The following GABRA5 variants were observed in gnomAD, a reference collection of about 807,000 sequenced individuals.
GABRA5 encodes gamma-aminobutyric acid receptor subunit alpha-5.
GABRA5 carries 18 observed loss-of-function variants against 47.3 expected under a neutral mutation model. That is an observed-to-expected ratio of 0.38 (90% CI 0.26 to 0.56). The LOEUF (loss-of-function observed/expected upper bound fraction) is 0.56, where lower values mean the gene tolerates loss of function less well. Ranked by LOEUF, GABRA5 falls within the 20% of genes least tolerant of loss-of-function variation. The pLI is 0.71. For missense variants in GABRA5, 365 were observed against 599.3 expected, an observed-to-expected ratio of 0.61 and a Z score of 4.08; for synonymous variants, 237 against 229.3, an observed-to-expected ratio of 1.03 and a Z score of -0.30.
chr15:26,871,154 A>C (rs1008083139), intron 3 of GABRA5, among the ~76,000 whole-genome samples: 2 of 152,240 alleles, frequency 1.3e-5, no homozygotes, highest in Non-Finnish European at 2.9e-5. Context: ...AGATCATGCC[A>C]CTGCACTCCA....
chr15:26,945,272 C>T lies in GABRA5; in HGVS notation c.1089+1846C>T, dbSNP rs568403948. On this transcript the variant is annotated intron_variant, in intron 10 of 10. Coordinates refer to ENST00000335625, the MANE Select transcript of GABRA5 (RefSeq NM_000810.4). ...CACACCCCGCGGTCAGACACTGGCG[C>T]GAGCGTGAATACCACAGCCTGGTGT... 4.6e-5 allele frequency among the ~76,000 whole-genome samples: 7 copies of T among 152,286 alleles called. No individual in the cohort carries two copies. The East Asian group carries it at 5.8e-4, about 13-fold the overall frequency.
intron 7 of GABRA5, among the ~76,000 whole-genome samples, chr15:26,933,485 CT>C (rs1456911345): frequency 6.6e-6 from 1 of 152,224 alleles, no homozygotes; most frequent in African/African-American, 2.4e-5. Context: ...TTGCTTCTCA[CT>C]GCTGTCTGCA....
At chr15:26,906,223 A>G (rs1176478841) in intron 6 of GABRA5, among the ~76,000 whole-genome samples, 1 of 152,028 alleles carries the variant, frequency 6.6e-6, no homozygotes, top group Non-Finnish European at 1.5e-5. Context: ...TTTGTTCTAC[A>G]GGGCCACTCT....
chr15:26,880,718 G>T (rs1892708446), intron 3 of GABRA5, 128 bp from the exon 4 acceptor site: 1 of 875,748 alleles, frequency 1.1e-6, no homozygotes, highest in Non-Finnish European at 1.7e-6. Context: ...AGGCACTATG[G>T]GAGCTGTGTT....
intron 6 of GABRA5, among the ~76,000 whole-genome samples, chr15:26,885,994 G>A (rs897280289): frequency 2.7e-5 from 4 of 150,548 alleles, no homozygotes; most frequent in Non-Finnish European, 5.9e-5. Context: ...CCTGAAAGGT[G>A]TACCATATAT....
At chr15:26,892,464 A>G (rs922110136) in intron 6 of GABRA5, among the ~76,000 whole-genome samples, 1 of 152,206 alleles carries the variant, frequency 6.6e-6, no homozygotes, top group African/African-American at 2.4e-5. Context: ...CCGCGCGCAC[A>G]TGACCTGCGA....
At chr15:26,914,436 G>A (rs969696890) in intron 6 of GABRA5, among the ~76,000 whole-genome samples, 13 of 152,178 alleles carry the variant, frequency 8.5e-5, no homozygotes, top group African/African-American at 2.9e-4. Flanking sequence ...GAGCTTATAA[G>A]CAATTTTAGA....
intron 7 of GABRA5, among the ~76,000 whole-genome samples, chr15:26,930,895 C>CTTTTTTTTTTTTTTTTTTTTT (rs555799476): frequency 8.7e-6 from 1 of 115,036 alleles, no homozygotes; most frequent in African/African-American, 3.4e-5. Flanking sequence ...TCTTTCTTTT[C>CTTTTTTTTTTTTTTTTTTTTT]TTTTTTTTTT....
At chr15:26,903,876 A>G (rs560950574) in intron 6 of GABRA5, among the ~76,000 whole-genome samples, 1 of 152,118 alleles carries the variant, frequency 6.6e-6, no homozygotes, top group South Asian at 2.1e-4. Context: ...TCAGATGCAT[A>G]TTAGACTTTT....
intron 9 of GABRA5, among the ~76,000 whole-genome samples, 199 bp downstream of exon 9, chr15:26,940,276 A>T (rs1894353763): frequency 6.6e-6 from 1 of 152,244 alleles, no homozygotes; most frequent in African/African-American, 2.4e-5. Flanking sequence ...GGGTTTAAGG[A>T]ATATCACATG....
intron 7 of GABRA5, among the ~76,000 whole-genome samples, chr15:26,920,770 C>G (rs1016413751): frequency 6.6e-6 from 1 of 152,138 alleles, no homozygotes; most frequent in African/African-American, 2.4e-5. Flanking sequence ...GGGGACCTCT[C>G]CAACCTTGGT....
intron 6 of GABRA5, among the ~76,000 whole-genome samples, chr15:26,895,992 C>G (rs933330989): frequency 6.6e-6 from 1 of 152,056 alleles, no homozygotes; most frequent in Non-Finnish European, 1.5e-5. Flanking sequence ...TCCGGATCCC[C>G]TTCCACCCTT....
In GABRA5 at chr15:26,867,521, G is replaced by A. The variant is rs1372340711; in HGVS notation, c.-140+410G>A. The A allele has an allele frequency of 6.6e-6, 1 of 152,502 alleles. No individual in the cohort carries two copies. Among genetic ancestry groups the A allele is most frequent in the Non-Finnish European group, 1.5e-5 (1 of 68,428 alleles). The allele number at this position is 152,502 out of a possible 1,614,324, so 9.4% of individuals were successfully genotyped here. A position where few individuals can be genotyped will look rare whatever the true frequency, so the allele number is the denominator to read the frequency against. On this transcript the variant is annotated intron_variant, in intron 1 of 10. Coordinates refer to ENST00000335625, the MANE Select transcript of GABRA5 (RefSeq NM_000810.4). This position sits in a 1 kb window ranked among gnomAD's most constrained non-coding sequence, Gnocchi z 5.9. Reference sequence around the variant, plus strand: ...CAGGCTGCGTGGCCGGGGAGGAGAGGTGCAGAGCAGGCGGGGCGCGCAGCC... The same window carrying A: ...CAGGCTGCGTGGCCGGGGAGGAGAGATGCAGAGCAGGCGGGGCGCGCAGCC...
intron 3 of GABRA5, among the ~76,000 whole-genome samples, chr15:26,876,257 G>A (rs751630688): frequency 1.5e-4 from 23 of 152,324 alleles, no homozygotes; most frequent in Middle Eastern, 3.4e-3. Flanking sequence ...CTGGAGGACA[G>A]AGAGGGATTG....
intron 7 of GABRA5, among the ~76,000 whole-genome samples, chr15:26,931,259 C>A (rs1157945728): frequency 2.0e-5 from 3 of 152,116 alleles, no homozygotes; most frequent in Non-Finnish European, 4.4e-5. Context: ...TTGGGTAGCT[C>A]ATACATAACA....
intron 6 of GABRA5, among the ~76,000 whole-genome samples, chr15:26,888,269 A>T (rs75857423): frequency 0.023 from 3,511 of 152,326 alleles, 133 homozygotes; most frequent in African/African-American, 0.079. Context: ...AGAGAGCAGC[A>T]AACATCTCCT....
chr15:26,927,736 T>A (rs2140305857), intron 7 of GABRA5, among the ~76,000 whole-genome samples: 1 of 152,360 alleles, frequency 6.6e-6, no homozygotes, highest in South Asian at 2.1e-4. Flanking sequence ...CATCTGAGCA[T>A]GCAGAGGCTA....
At chr15:26,929,855 A>T (rs1288307897) in intron 7 of GABRA5, among the ~76,000 whole-genome samples, 1 of 152,164 alleles carries the variant, frequency 6.6e-6, no homozygotes, top group Non-Finnish European at 1.5e-5. Context: ...GGGGTGGCTG[A>T]CTAATGAATG....
At chr15:26,895,735 C>G (rs35515414) in intron 6 of GABRA5, among the ~76,000 whole-genome samples, 40,202 of 149,680 alleles carry the variant, frequency 0.27, 5,455 homozygotes, top group Middle Eastern at 0.31. Context: ...ATCGCTTGAA[C>G]CCGGGAGGCG....
Sources: allele counts gnomAD v4.1 joint callset (sites outside exome capture counted in the v4.1 genomes callset), GRCh38; gene constraint gnomAD v4.1.1; non-coding constraint Gnocchi (gnomAD v3.1); transcripts MANE v1.5; gene names NCBI Gene and HGNC (gene_info 2026-07-23, HGNC 2026-07-21).